CD28: variants seen among roughly 807,000 people sequenced by gnomAD.
CD28 encodes the protein T-cell-specific surface glycoprotein CD28.
Under a neutral mutation model 21.4 loss-of-function variants are expected in CD28, and 8 were observed. That is an observed-to-expected ratio of 0.37 (90% CI 0.22 to 0.68). The LOEUF is 0.68. Ranked by LOEUF, CD28 falls within the 30% of genes least tolerant of loss-of-function variation. CD28 has a pLI of 0.55. For synonymous variants in CD28, 106 were observed against 104.0 expected, an observed-to-expected ratio of 1.02 and a Z score of -0.12; for missense variants, 239 against 272.2, an observed-to-expected ratio of 0.88 and a Z score of 0.86.
intron 1 of CD28, among the ~76,000 whole-genome samples, chr2:203,714,148 T>C (rs1183024878): frequency 6.6e-6 from 1 of 152,150 alleles, no homozygotes; most frequent in Non-Finnish European, 1.5e-5. Context: ...GATTCTATAC[T>C]GGTGAACCTG....
chr2:203,727,623 G>T (rs1341720010), intron 2 of CD28, among the ~76,000 whole-genome samples: 2 of 150,002 alleles, frequency 1.3e-5, no homozygotes, highest in Non-Finnish European at 3.0e-5. Flanking sequence ...GGGACTACAG[G>T]GCCCGCCACC....
At chr2:203,713,597 T>C (rs1693374664) in intron 1 of CD28, among the ~76,000 whole-genome samples, 1 of 152,024 alleles carries the variant, frequency 6.6e-6, no homozygotes, top group Admixed American at 6.6e-5. Context: ...CCTGGGACTT[T>C]TGAGTTTAGG....
intron 1 of CD28, among the ~76,000 whole-genome samples, chr2:203,716,470 T>G (rs1435534576): frequency 6.6e-6 from 1 of 152,140 alleles, no homozygotes; most frequent in Non-Finnish European, 1.5e-5. Context: ...TCAAGTACAT[T>G]AAGTCCCTTA....
chr2:203,723,614 C>T (rs1436928575), intron 1 of CD28, among the ~76,000 whole-genome samples: 1 of 152,062 alleles, frequency 6.6e-6, no homozygotes, highest in Non-Finnish European at 1.5e-5. Context: ...AAAGAATAGA[C>T]CAATGGCTAA....
At chr2:203,726,239 A>G (rs1311399193) in intron 1 of CD28, among the ~76,000 whole-genome samples, 1 of 152,140 alleles carries the variant, frequency 6.6e-6, no homozygotes, top group Admixed American at 6.5e-5. Flanking sequence ...AAACAGATCT[A>G]TTTTTGTGTC....
chr2:203,706,988 G>T (rs1421095636), intron 1 of CD28, among the ~76,000 whole-genome samples: 1 of 151,904 alleles, frequency 6.6e-6, no homozygotes, highest in Non-Finnish European at 1.5e-5. Flanking sequence ...TTAGTTGATA[G>T]TGTCCCAAGA....
chr2:203,732,561 A>G (rs982786481), intron 3 of CD28, among the ~76,000 whole-genome samples: 3 of 152,208 alleles, frequency 2.0e-5, no homozygotes, highest in African/African-American at 7.2e-5. Context: ...ATTACCTTGC[A>G]TATGCCCTGT....
intron 1 of CD28, among the ~76,000 whole-genome samples, chr2:203,707,654 T>C (rs1693196640): frequency 6.6e-6 from 1 of 152,162 alleles, no homozygotes; most frequent in Non-Finnish European, 1.5e-5. Flanking sequence ...TTCTCGTAAC[T>C]AGAAGGTAGG....
chr2:203,708,963 T>A (rs1693238191), intron 1 of CD28, among the ~76,000 whole-genome samples: 1 of 151,882 alleles, frequency 6.6e-6, no homozygotes, highest in Non-Finnish European at 1.5e-5. Context: ...CTACTAAAAA[T>A]ACAAAAAAAT....
chr2:203,732,783 C>T (rs529628764), intron 3 of CD28, among the ~76,000 whole-genome samples: 14 of 152,294 alleles, frequency 9.2e-5, no homozygotes, highest in African/African-American at 2.9e-4. Context: ...TGTTTGTTCC[C>T]AGCCATGCAT....
chr2:203,720,132 G>T (rs1159376180), intron 1 of CD28, among the ~76,000 whole-genome samples: 1 of 152,118 alleles, frequency 6.6e-6, no homozygotes, highest in Non-Finnish European at 1.5e-5. Context: ...TCAGTACCTT[G>T]CTCACAAGCA....
intron 1 of CD28, among the ~76,000 whole-genome samples, chr2:203,708,629 G>GGAGA (rs1375423910): frequency 6.6e-6 from 1 of 152,168 alleles, no homozygotes; most frequent in Non-Finnish European, 1.5e-5. Flanking sequence ...ATAAGTGGTT[G>GGAGA]GAGAGTTCAC....
At chr2:203,725,088 G>A (rs1004011675) in intron 1 of CD28, among the ~76,000 whole-genome samples, 4 of 152,020 alleles carry the variant, frequency 2.6e-5, no homozygotes, top group African/African-American at 7.2e-5. Context: ...TTGGGAGTTC[G>A]AGACAAGCCT....
At chr2:203,733,884 C>T (rs776265532) in intron 3 of CD28, among the ~76,000 whole-genome samples, 4 of 152,148 alleles carry the variant, frequency 2.6e-5, no homozygotes, top group Non-Finnish European at 5.9e-5. Context: ...GTGAAGTGCT[C>T]AGGCAGGAGT....
In CD28 at chr2:203,726,804, A is replaced by G; in HGVS notation, c.224A>G (p.Gln75Arg). 1 of 1,614,234 alleles carries G rather than the reference A, an allele frequency of 6.2e-7. No homozygotes were observed. The highest frequency in any genetic ancestry group is 1.6e-4 in the Middle Eastern group (1 of 6,062). Residue 75 changes from glutamine (Q) to arginine (R), a missense_variant, in exon 2 of 4, where the codon CAG (glutamine) becomes CGG (arginine). Physicochemically the swap from Gln to Arg is conservative, Grantham distance 43. Transcript: ENST00000324106. ...VCVVYGNYSQ[Q>R]LQVYSKTGFN... ...GTTGTATATGGGAATTACTCCCAGC[A>G]GCTTCAGGTTTACTCAAAAACGGGG...
intron 1 of CD28, among the ~76,000 whole-genome samples, chr2:203,713,710 C>T (rs939898805): frequency 2.6e-5 from 4 of 151,914 alleles, no homozygotes; most frequent in African/African-American, 4.8e-5. Context: ...AAGGTAAAGA[C>T]AATTAGGAAC....
intron 1 of CD28, among the ~76,000 whole-genome samples, chr2:203,708,669 C>G (rs35988305): frequency 0.37 from 56,230 of 152,056 alleles, 10,553 homozygotes; most frequent in South Asian, 0.62. Context: ...TCTACTTTGA[C>G]ATATATTTAC....
intron 1 of CD28, among the ~76,000 whole-genome samples, chr2:203,720,335 A>G (rs1490860131): frequency 6.6e-6 from 1 of 152,244 alleles, no homozygotes; most frequent in African/African-American, 2.4e-5. Flanking sequence ...CAGTTAGAGA[A>G]ATGTCAGTCA....
chr2:203,724,479 C>T (rs1448442516), intron 1 of CD28, among the ~76,000 whole-genome samples: 1 of 152,094 alleles, frequency 6.6e-6, no homozygotes, highest in South Asian at 2.1e-4. Flanking sequence ...TCAGAATTTC[C>T]GGAAGTGGGA....
Sources: gnomAD v4.1 joint callset for allele counts (sites outside exome capture counted in the v4.1 genomes callset) on GRCh38, gnomAD v4.1.1 for gene constraint, MANE v1.5 for transcripts, NCBI Gene and HGNC (gene_info 2026-07-23, HGNC 2026-07-21) for gene names.